The following STARD13 variants were observed in gnomAD, a reference collection of about 807,000 sequenced individuals.
STARD13 encodes the protein stAR-related lipid transfer protein 13.
In STARD13, 62 loss-of-function variants were observed where a neutral mutation model predicts 106.4. The ratio of observed to expected loss-of-function variants is 0.58; its 90% CI spans 0.48 to 0.72. The LOEUF (loss-of-function observed/expected upper bound fraction) is 0.72. Among genes scored for constraint, STARD13 ranks in the 30% least tolerant of loss-of-function variants. The probability of loss-of-function intolerance (pLI) is 0.00; values close to 1 mark genes in which losing one functional copy is unlikely to be tolerated. For missense variants in STARD13, 1,387 were observed against 1,424.0 expected, an observed-to-expected ratio of 0.97 and a Z score of 0.42; for synonymous variants, 565 against 553.0, an observed-to-expected ratio of 1.02 and a Z score of -0.31.
the STARD13 span, among the ~76,000 whole-genome samples, chr13:33,506,047 T>C: frequency 6.6e-6 from 1 of 152,158 alleles, no homozygotes; most frequent in Non-Finnish European, 1.5e-5. Flanking sequence ...ACTGTACCCA[T>C]AGTCACTGTA....
chr13:33,279,003 C>A (rs1594209042), intron 1 of STARD13, among the ~76,000 whole-genome samples: 1 of 152,102 alleles, frequency 6.6e-6, no homozygotes, highest in South Asian at 2.1e-4. Context: ...AGGGAGACGG[C>A]AAATATTTTT....
intron 1 of STARD13, among the ~76,000 whole-genome samples, chr13:33,309,100 T>C (rs928361194): frequency 6.6e-6 from 1 of 152,214 alleles, no homozygotes; most frequent in Non-Finnish European, 1.5e-5. Flanking sequence ...TCAGATTTAA[T>C]GAGAAACACT....
chr13:33,225,922 C>T (rs1888602544), intron 1 of STARD13, among the ~76,000 whole-genome samples: 1 of 152,180 alleles, frequency 6.6e-6, no homozygotes, highest in South Asian at 2.1e-4. Context: ...AAGCCTTAAT[C>T]CCCAGTGTGA....
chr13:33,570,657 G>GGATT, the STARD13 span, among the ~76,000 whole-genome samples: 1 of 120,804 alleles, frequency 8.3e-6, no homozygotes, highest in Non-Finnish European at 1.8e-5. Context: ...TTTCTTCTTT[G>GGATT]TTAGTCCACA....
At chr13:33,174,975 C>A (rs1017203876) in intron 1 of STARD13, among the ~76,000 whole-genome samples, 1 of 152,152 alleles carries the variant, frequency 6.6e-6, no homozygotes, top group Non-Finnish European at 1.5e-5. Context: ...CACAGAAAAT[C>A]AAAAGCTCCG....
At chr13:33,143,441 T>G (rs905683639) in intron 3 of STARD13, among the ~76,000 whole-genome samples, 2 of 152,246 alleles carry the variant, frequency 1.3e-5, no homozygotes, top group Non-Finnish European at 2.9e-5. Context: ...TGACTCATGT[T>G]GTTGAGTATA....
the STARD13 span, among the ~76,000 whole-genome samples, chr13:33,577,680 G>T: frequency 2.4e-4 from 37 of 152,012 alleles, no homozygotes; most frequent in Non-Finnish European, 5.0e-4. Context: ...AATGAATCTA[G>T]ACACGGAGCT....
chr13:33,570,072 C>CA, the STARD13 span, among the ~76,000 whole-genome samples: 5 of 146,912 alleles, frequency 3.4e-5, no homozygotes, highest in South Asian at 4.3e-4. Context: ...TAATGAAATA[C>CA]AAAAAAAATT....
chr13:33,230,052 C>T (rs1305913014), intron 1 of STARD13, among the ~76,000 whole-genome samples: 2 of 152,184 alleles, frequency 1.3e-5, no homozygotes, highest in Admixed American at 1.3e-4. Flanking sequence ...AGCAAGAACA[C>T]AGGGAGACAT....
the STARD13 span, among the ~76,000 whole-genome samples, chr13:33,471,147 G>A: frequency 2.6e-5 from 4 of 152,202 alleles, no homozygotes; most frequent in African/African-American, 9.7e-5. Flanking sequence ...CATATGGGTA[G>A]CCAGAGCTGT....
chr13:33,378,431 C>A, the STARD13 span, among the ~76,000 whole-genome samples: 8 of 152,220 alleles, frequency 5.3e-5, no homozygotes. Flanking sequence ...TCCACTACAC[C>A]TTGACTTGCT....
the STARD13 span, among the ~76,000 whole-genome samples, chr13:33,385,023 A>T: frequency 6.6e-6 from 1 of 150,906 alleles, no homozygotes; most frequent in East Asian, 1.9e-4. Flanking sequence ...TTTAGTTTGG[A>T]AGAAAGGTTC....
rs1261673521 is a variant in STARD13, at chr13:33,110,032, G to T, written c.2888C>A (p.Pro963His). ...CAGCACGCGGTTCAGGACCACTGAG[G>T]GGGGTGCTTCCACCTCCACAGAAGC... ...WKASVEVEAP[P>H]SVVLNRVLRE... is the part of the protein sequence containing the mutation. The change falls in exon 12 of 14, where the codon CCC (proline) becomes CAC (histidine). Residue 963 changes from proline to histidine, a missense_variant. Transcript: ENST00000336934. 3.1e-6 allele frequency: 5 copies of T among 1,614,118 alleles called. No individual in the cohort carries two copies. Among genetic ancestry groups the T allele is most frequent in the Middle Eastern group, 1.6e-4 (1 of 6,084 alleles).
At chr13:33,646,147 C>T in the STARD13 span, among the ~76,000 whole-genome samples, 2 of 152,060 alleles carry the variant, frequency 1.3e-5, no homozygotes, top group African/African-American at 4.8e-5. Flanking sequence ...AGAGCATGTC[C>T]CAGGTGCATG....
At chr13:33,142,207 A>T (rs999425338) in intron 4 of STARD13, 103 bp downstream of exon 4, 32 of 877,578 alleles carry the variant, frequency 3.6e-5, no homozygotes, top group African/African-American at 2.0e-4. Flanking sequence ...TATTATTATT[A>T]TTTTTTTGTA....
chr13:33,226,822 A>G (rs1271617917), intron 1 of STARD13, among the ~76,000 whole-genome samples: 1 of 152,246 alleles, frequency 6.6e-6, no homozygotes, highest in Admixed American at 6.5e-5. Context: ...GGCTAGTCCA[A>G]GCGATGTTTA....
chr13:33,486,407 T>C, the STARD13 span, among the ~76,000 whole-genome samples: 919 of 152,250 alleles, frequency 6.0e-3, 12 homozygotes, highest in African/African-American at 0.021. Context: ...TGTACCTACC[T>C]ATGATAAAAT....
chr13:33,495,048 A>AAGT, the STARD13 span, among the ~76,000 whole-genome samples: 51,552 of 151,760 alleles, frequency 0.34, 8,908 homozygotes, highest in Non-Finnish European at 0.39. Context: ...TTTCCTGCCT[A>AAGT]CACTTCCGCT....
At chr13:33,226,990 A>T (rs1888659926) in intron 1 of STARD13, among the ~76,000 whole-genome samples, 1 of 152,210 alleles carries the variant, frequency 6.6e-6, no homozygotes, top group Admixed American at 6.5e-5. Context: ...ATAATTTCTG[A>T]AGTTTTAAAG....
Sources: gnomAD v4.1 joint callset for allele counts (sites outside exome capture counted in the v4.1 genomes callset) on GRCh38, gnomAD v4.1.1 for gene constraint, MANE v1.5 for transcripts, NCBI Gene and HGNC (gene_info 2026-07-23, HGNC 2026-07-21) for gene names.